TTLL11: variants seen among roughly 807,000 people sequenced by gnomAD.
TTLL11 encodes the protein tubulin polyglutamylase TTLL11.
In TTLL11, 42 loss-of-function variants were observed where a neutral mutation model predicts 51.7. The ratio of observed to expected loss-of-function variants is 0.81; its 90% CI spans 0.64 to 1.05. TTLL11 has a LOEUF of 1.05. Among genes scored for constraint, TTLL11 ranks in the 50% least tolerant of loss-of-function variants. The probability of loss-of-function intolerance (pLI) is 0.00; values close to 1 mark genes in which losing one functional copy is unlikely to be tolerated. For synonymous variants in TTLL11, 381 were observed against 383.5 expected (o/e 0.99, Z 0.08); for missense variants, 799 against 940.4 (o/e 0.85, Z 1.97).
Position 121,930,886 on chromosome 9 carries a change from C to T in TTLL11, c.1481+43123G>A, listed in dbSNP as rs555089334. Among the ~76,000 whole-genome samples the T allele has an allele frequency of 2.0e-5, 3 of 152,344 alleles. No individual in the cohort carries two copies. The East Asian group carries it at 5.8e-4, about 29-fold the overall frequency. On this transcript the variant is annotated intron_variant, in intron 6 of 8. Transcript: ENST00000321582. ...CCTACTTATTAATGTTTTTAGTCAACAGTAGTTATTAAGGTTGTAAGTATC... is the reference window on the plus strand; with the variant it reads ...CCTACTTATTAATGTTTTTAGTCAATAGTAGTTATTAAGGTTGTAAGTATC...
At chr9:121,918,322 G>A (rs575416194) in intron 6 of TTLL11, among the ~76,000 whole-genome samples, 1 of 152,310 alleles carries the variant, frequency 6.6e-6, no homozygotes, top group African/African-American at 2.4e-5. Context: ...CAGAGTGATG[G>A]GAAATGTCAG....
intron 1 of TTLL11, among the ~76,000 whole-genome samples, chr9:122,078,443 A>G (rs1422070749): frequency 6.6e-6 from 1 of 152,152 alleles, no homozygotes; most frequent in African/African-American, 2.4e-5. Context: ...AAAGGGAGGG[A>G]GCATTCAGAG....
At chr9:122,079,705 T>C (rs530775906) in intron 1 of TTLL11, among the ~76,000 whole-genome samples, 1 of 147,602 alleles carries the variant, frequency 6.8e-6, no homozygotes, top group African/African-American at 2.6e-5. Context: ...CAAGACTCTG[T>C]CTCAAAAAAA....
intron 1 of TTLL11, among the ~76,000 whole-genome samples, chr9:122,077,684 A>G (rs1845896347): frequency 6.6e-6 from 1 of 152,138 alleles, no homozygotes; most frequent in African/African-American, 2.4e-5. Flanking sequence ...AATCAGGGCT[A>G]CAAAATTTAT....
chr9:121,820,317 G>A lies in TTLL11; in HGVS notation c.*2270C>T, dbSNP rs1198976419. ...GACCAACTTCAAGAAATGGTGTCAC[G>A]TGAGAGCTTTGTTAAGACTTCTGGT... On this transcript the variant is annotated 3_prime_UTR_variant, in exon 9 of 9. Transcript: ENST00000321582. 6.6e-6 allele frequency among the ~76,000 whole-genome samples: 1 copy of A among 152,230 alleles called. No homozygotes were observed. The highest frequency in any genetic ancestry group is 1.5e-5 in the Non-Finnish European group (1 of 68,032).
intron 6 of TTLL11, among the ~76,000 whole-genome samples, chr9:121,880,771 C>T (rs962046741): frequency 4.6e-5 from 7 of 152,224 alleles, no homozygotes; most frequent in Non-Finnish European, 1.0e-4. Context: ...GTCATTATTT[C>T]AGTGAATTCT....
chr9:121,834,444 A>C (rs577184361), intron 8 of TTLL11, among the ~76,000 whole-genome samples: 1 of 149,904 alleles, frequency 6.7e-6, no homozygotes, highest in South Asian at 2.1e-4. Context: ...CAGTATCTGC[A>C]TCTGTAAAGT....
intron 6 of TTLL11, among the ~76,000 whole-genome samples, chr9:121,924,732 T>C (rs73555617): frequency 0.049 from 7,293 of 150,236 alleles, 451 homozygotes; most frequent in African/African-American, 0.15. Context: ...AGGCAATTTC[T>C]TGCAGAAATA....
intron 6 of TTLL11, among the ~76,000 whole-genome samples, chr9:121,905,027 C>G (rs535375715): frequency 6.6e-6 from 1 of 152,310 alleles, no homozygotes; most frequent in Admixed American, 6.5e-5. Context: ...GCTCAGCTAA[C>G]TTTCTGGATT....
chr9:122,080,075 T>C (rs1382282055), intron 1 of TTLL11, among the ~76,000 whole-genome samples: 1 of 152,254 alleles, frequency 6.6e-6, no homozygotes, highest in Non-Finnish European at 1.5e-5. Flanking sequence ...GATATGGCTG[T>C]TTCAAATTAG....
intron 3 of TTLL11, among the ~76,000 whole-genome samples, chr9:122,016,316 G>C (rs1239240894): frequency 6.6e-6 from 1 of 152,156 alleles, no homozygotes; most frequent in Non-Finnish European, 1.5e-5. Flanking sequence ...CAGAAATGGG[G>C]ACAAGCGTAG....
intron 7 of TTLL11, among the ~76,000 whole-genome samples, chr9:121,867,635 C>T (rs1286261718): frequency 6.6e-6 from 1 of 150,466 alleles, no homozygotes; most frequent in African/African-American, 2.4e-5. Flanking sequence ...TTCTCAGGCT[C>T]TCCCTGCTGC....
chr9:122,011,306 A>G (rs753555494), intron 3 of TTLL11, among the ~76,000 whole-genome samples: 2 of 152,202 alleles, frequency 1.3e-5, no homozygotes, highest in Non-Finnish European at 2.9e-5. Flanking sequence ...AGTAGCATGA[A>G]AACAGACTAA....
chr9:121,912,383 C>T (rs934246807), intron 6 of TTLL11, among the ~76,000 whole-genome samples: 1 of 151,790 alleles, frequency 6.6e-6, no homozygotes, highest in Non-Finnish European at 1.5e-5. Flanking sequence ...TACCTTCCCC[C>T]CCGCCCCCGT....
chr9:121,901,076 G>A (rs749503761), intron 6 of TTLL11, among the ~76,000 whole-genome samples: 2 of 152,056 alleles, frequency 1.3e-5, no homozygotes, highest in East Asian at 3.9e-4. Flanking sequence ...CACCCTGCCT[G>A]GTATTTCAAC....
At chr9:121,931,705 G>C (rs1482628999) in intron 6 of TTLL11, among the ~76,000 whole-genome samples, 1 of 152,012 alleles carries the variant, frequency 6.6e-6, no homozygotes. Context: ...GCTGAGAACA[G>C]GGCTTGTGGA....
chr9:121,874,881 C>T (rs1209071829), intron 6 of TTLL11, among the ~76,000 whole-genome samples: 1 of 151,950 alleles, frequency 6.6e-6, no homozygotes, highest in Non-Finnish European at 1.5e-5. Context: ...CTCAGCCTCC[C>T]AAGTAGCTGG....
Position 121,897,970 on chromosome 9 carries a change from G to A in TTLL11, c.1482-27222C>T, listed in dbSNP as rs367846489. The stretch of plus-strand genomic sequence containing the variant: ...GCCTAGCTCTGTCACCCAGGCTGGA[G>A]TGCAGTGATGCAATCTCAGCTCACT... On this transcript the variant is annotated intron_variant, in intron 6 of 8. Transcript: ENST00000321582. Among the ~76,000 whole-genome samples, 7 of 149,740 alleles carry A rather than the reference G, an allele frequency of 4.7e-5. No individual in the cohort carries two copies. The East Asian group carries it at 1.4e-3, about 30-fold the overall frequency.
At chr9:121,845,784 A>C (rs1837499154) in intron 8 of TTLL11, among the ~76,000 whole-genome samples, 1 of 152,210 alleles carries the variant, frequency 6.6e-6, no homozygotes, top group South Asian at 2.1e-4. Flanking sequence ...TGCTAAGCTA[A>C]AAGAGGAGAT....
Sources: gnomAD v4.1 joint callset for allele counts (sites outside exome capture counted in the v4.1 genomes callset) on GRCh38, gnomAD v4.1.1 for gene constraint, MANE v1.5 for transcripts, NCBI Gene and HGNC (gene_info 2026-07-23, HGNC 2026-07-21) for gene names.